Variants in TCERG1L observed in about 807,000 individuals in gnomAD.
TCERG1L encodes transcription elongation regulator 1-like protein.
TCERG1L carries 37 observed loss-of-function variants against 56.3 expected under a neutral mutation model. The ratio of observed to expected loss-of-function variants is 0.66; its 90% CI spans 0.51 to 0.87. The LOEUF is 0.87. Ranked by LOEUF, TCERG1L falls within the 40% of genes least tolerant of loss-of-function variation. TCERG1L has a pLI of 0.00. For missense variants in TCERG1L, 799 were observed against 774.2 expected (o/e 1.03, Z -0.38); for synonymous variants, 324 against 326.3 (o/e 0.99, Z 0.08).
At chr10:131,169,753 C>A (rs184310443) in intron 4 of TCERG1L, among the ~76,000 whole-genome samples, 2 of 152,096 alleles carry the variant, frequency 1.3e-5, no homozygotes, top group Admixed American at 6.5e-5. Flanking sequence ...CAGAAATGCA[C>A]GTCTGTATCT....
chr10:131,213,061 TC>T (rs1845633774), intron 4 of TCERG1L, among the ~76,000 whole-genome samples: 2 of 152,192 alleles, frequency 1.3e-5, no homozygotes, highest in South Asian at 4.1e-4. Flanking sequence ...AGCAAACTGT[TC>T]CCTCAGCAAC....
chr10:131,132,519 C>T (rs532666052), intron 8 of TCERG1L, among the ~76,000 whole-genome samples: 3 of 152,374 alleles, frequency 2.0e-5, no homozygotes, highest in East Asian at 1.9e-4. Context: ...CCAGCTGCTT[C>T]GGATCCCGCC....
chr10:131,261,519 G>A (rs1266261232), intron 3 of TCERG1L, among the ~76,000 whole-genome samples: 3 of 152,204 alleles, frequency 2.0e-5, no homozygotes, highest in Admixed American at 6.5e-5. Flanking sequence ...TGGTCAGCAC[G>A]ATTACATCAG....
intron 4 of TCERG1L, among the ~76,000 whole-genome samples, chr10:131,210,728 T>C (rs553687567): frequency 1.4e-4 from 22 of 152,216 alleles, no homozygotes; most frequent in Non-Finnish European, 3.1e-4. Context: ...TCCTCCTCCT[T>C]ATTCCTTCTT....
At chr10:131,256,988 GGAAGGAAA>G (rs1285029739) in intron 4 of TCERG1L, among the ~76,000 whole-genome samples, 1,990 of 71,596 alleles carry the variant, frequency 0.028, 8 homozygotes, top group Middle Eastern at 0.042. Context: ...AAGGAAGGAA[GGAAGGAAA>G]GAAAGAAAGA....
rs536819447 is a variant in TCERG1L, at chr10:131,246,920, C to T, written c.856+13339G>A. On this transcript the variant is annotated intron_variant, in intron 4 of 11. Coordinates refer to ENST00000368642, the MANE Select transcript of TCERG1L (RefSeq NM_174937.4). ...ATAGCAGGCGCCCTCTCGCCCACGA[C>T]GCCGGCGCTGCGGCACAACAGATTC... is the stretch of plus-strand genomic sequence containing the variant. Among the ~76,000 whole-genome samples the T allele has an allele frequency of 3.9e-5, 6 of 152,128 alleles. No homozygotes were observed. The East Asian group carries it at 5.8e-4, about 15-fold the overall frequency.
intron 1 of TCERG1L, among the ~76,000 whole-genome samples, chr10:131,309,834 C>CAAAAAAAAAAAAAAAAAAAAAAAA (rs58892586): frequency 1.4e-4 from 7 of 49,826 alleles, no homozygotes; most frequent in Non-Finnish European, 1.4e-4. Flanking sequence ...GATTCTATGG[C>CAAAAAAAAAAAAAAAAAAAAAAAA]AAAAAAAAAA....
chr10:131,100,716 A>G lies in TCERG1L; in HGVS notation c.1486-2292T>C, dbSNP rs574689209. 3.3e-4 allele frequency among the ~76,000 whole-genome samples: 50 copies of G among 152,360 alleles called. 1 individual carries two copies. In the South Asian group the frequency reaches 0.01, roughly 32 times the overall value. On this transcript the variant is annotated intron_variant, in intron 10 of 11. Coordinates refer to ENST00000368642, the MANE Select transcript of TCERG1L (RefSeq NM_174937.4). ...GCAGAGGAAGGGCTGTGATTTTCAC[A>G]CCAGGGGCCTTAGCTTTCCCCATGA...
At chr10:131,269,162 GATTA>G (rs1278483715) in intron 3 of TCERG1L, among the ~76,000 whole-genome samples, 1 of 140,094 alleles carries the variant, frequency 7.1e-6, no homozygotes, top group Non-Finnish European at 1.6e-5. Context: ...CATTGTAAGG[GATTA>G]ATTGATACAA....
At chr10:131,241,676 G>GTA (rs907559246) in intron 4 of TCERG1L, among the ~76,000 whole-genome samples, 12 of 151,920 alleles carry the variant, frequency 7.9e-5, no homozygotes, top group African/African-American at 2.4e-4. Flanking sequence ...TGAACACAGT[G>GTA]GATAGCGTAA....
chr10:131,275,300 C>T lies in TCERG1L; in HGVS notation c.671-14856G>A, dbSNP rs115190966. Among the ~76,000 whole-genome samples, 466 of 152,290 alleles carry T rather than the reference C, an allele frequency of 3.1e-3. 5 individuals are homozygous for T. Among genetic ancestry groups the T allele is most frequent in the African/African-American group, 0.011 (451 of 41,554 alleles). Reference sequence around the variant, plus strand: ...CTGGACAGAATGTCTAATCGAGTCACCGGAGGTCTACAAGCATGGACATCA... The same window carrying T: ...CTGGACAGAATGTCTAATCGAGTCATCGGAGGTCTACAAGCATGGACATCA... On this transcript the variant is annotated intron_variant, in intron 3 of 11. Coordinates refer to ENST00000368642, the MANE Select transcript of TCERG1L (RefSeq NM_174937.4).
chr10:131,303,853 G>A (rs770445306), intron 3 of TCERG1L, among the ~76,000 whole-genome samples: 14 of 151,964 alleles, frequency 9.2e-5, no homozygotes, highest in Non-Finnish European at 1.6e-4. Flanking sequence ...ATCTTTTACT[G>A]CTTTTCTATG....
chr10:131,302,197 C>G (rs1236911013), intron 3 of TCERG1L, among the ~76,000 whole-genome samples: 3 of 152,062 alleles, frequency 2.0e-5, no homozygotes, highest in Non-Finnish European at 4.4e-5. Flanking sequence ...TCTAGTACTG[C>G]AGAATGGCCT....
intron 4 of TCERG1L, among the ~76,000 whole-genome samples, chr10:131,203,275 A>G (rs1442252828): frequency 7.4e-6 from 1 of 134,994 alleles, no homozygotes; most frequent in Non-Finnish European, 1.5e-5. Context: ...AGTACGTCCC[A>G]CTGCACTCTC....
At position 131,093,067 on chromosome 10, in the gene TCERG1L, C is replaced by CGGT; in HGVS notation, c.*94_*95insACC. 2 of 1,419,664 alleles carry CGGT rather than the reference C, an allele frequency of 1.4e-6. No individual in the cohort carries two copies. The highest frequency in any genetic ancestry group is 2.1e-5 in the Admixed American group (1 of 46,756). 87.9% of individuals were successfully genotyped at this position (1,419,664 alleles called of 1,614,324 possible). On this transcript the variant is annotated 3_prime_UTR_variant, in exon 12 of 12. Transcript: ENST00000368642. ...GGTGCCCGCTGGGCCGTGCAGGTCT[C>CGGT]GGCCGCCCCACGCCCGTGTCCGTCT... is the stretch of plus-strand genomic sequence containing the variant.
chr10:131,110,044 A>G (rs968660687), intron 9 of TCERG1L, among the ~76,000 whole-genome samples: 4 of 152,178 alleles, frequency 2.6e-5, no homozygotes, highest in African/African-American at 9.7e-5. Context: ...CCCAGCCCGC[A>G]GGCATCTCGC....
chr10:131,143,118 G>C (rs1270917207), intron 7 of TCERG1L, among the ~76,000 whole-genome samples: 2 of 152,212 alleles, frequency 1.3e-5, no homozygotes, highest in Admixed American at 6.5e-5. Context: ...AGAACTGTAA[G>C]ATCATCACCT....
At chr10:131,282,320 G>A (rs963101706) in intron 3 of TCERG1L, among the ~76,000 whole-genome samples, 10 of 152,044 alleles carry the variant, frequency 6.6e-5, no homozygotes, top group South Asian at 2.1e-4. Flanking sequence ...CGTGTTATAG[G>A]AATTACGATG....
intron 4 of TCERG1L, among the ~76,000 whole-genome samples, chr10:131,259,837 G>A (rs1846214726): frequency 6.6e-6 from 1 of 152,356 alleles, no homozygotes; most frequent in African/African-American, 2.4e-5. Context: ...CTGCCTGGGG[G>A]GAGCAGCACA....
Sources: allele counts gnomAD v4.1 joint callset (sites outside exome capture counted in the v4.1 genomes callset), GRCh38; gene constraint gnomAD v4.1.1; transcripts MANE v1.5; gene names NCBI Gene and HGNC (gene_info 2026-07-23, HGNC 2026-07-21).